The following FANK1 variants were observed in gnomAD, a reference collection of about 807,000 sequenced individuals.
FANK1 encodes the protein fibronectin type 3 and ankyrin repeat domains protein 1.
In FANK1, 44 loss-of-function variants were observed where a neutral mutation model predicts 45.3. That is an observed-to-expected ratio of 0.97 (90% confidence interval 0.76 to 1.25). The LOEUF (loss-of-function observed/expected upper bound fraction) is 1.25, where lower values mean the gene tolerates loss of function less well. Among genes scored for constraint, FANK1 ranks in the 50% most tolerant of loss-of-function variants. The pLI, the probability that FANK1 is intolerant of heterozygous loss-of-function variation, is 0.00. For missense variants in FANK1, 391 were observed against 424.4 expected, an observed-to-expected ratio of 0.92 and a Z score of 0.69; for synonymous variants, 149 against 152.5, an observed-to-expected ratio of 0.98 and a Z score of 0.17.
intron 6 of FANK1, among the ~76,000 whole-genome samples, chr10:125,999,336 A>T (rs893562372): frequency 6.6e-6 from 1 of 151,798 alleles, no homozygotes; most frequent in Non-Finnish European, 1.5e-5. Flanking sequence ...AGTAGCTGGA[A>T]CTATAGGCGC....
chr10:125,899,356 G>A (rs892836080), intron 1 of FANK1, among the ~76,000 whole-genome samples: 6 of 151,762 alleles, frequency 4.0e-5, no homozygotes, highest in African/African-American at 1.5e-4. Context: ...CACCGTGCCC[G>A]GCCCCTAATT....
At chr10:125,940,586 CAG>C (rs538843950) in intron 1 of FANK1, among the ~76,000 whole-genome samples, 59 of 152,094 alleles carry the variant, frequency 3.9e-4, no homozygotes, top group Non-Finnish European at 7.1e-4. Flanking sequence ...ACGCAGGAGA[CAG>C]AGGCCTTCCT....
intron 7 of FANK1, 26 bp from the exon 8 acceptor site, chr10:126,008,381 A>G (rs766781737): frequency 6.4e-5 from 100 of 1,567,702 alleles, no homozygotes; most frequent in Non-Finnish European, 8.4e-5. Flanking sequence ...ATTGGGCTCA[A>G]CACAGCTGTT....
rs1433449445 is a variant in FANK1, at chr10:125,995,514, C to T, written c.398+16C>T. 3 of 1,612,884 alleles carry T rather than the reference C, an allele frequency of 1.9e-6. No individual in the cohort carries two copies. Among genetic ancestry groups the T allele is most frequent in the Non-Finnish European group, 2.5e-6 (3 of 1,178,954 alleles). On this transcript the variant is annotated intron_variant, in intron 4 of 10. Transcript: ENST00000368693. ...TTCAAGGAGGGTGAGAGAACTCTGT[C>T]AGTTGTTTTTTTTCCCCCATGCCTA...
At chr10:126,007,526 C>A (rs1471146553) in intron 7 of FANK1, among the ~76,000 whole-genome samples, 1 of 152,150 alleles carries the variant, frequency 6.6e-6, no homozygotes, top group Non-Finnish European at 1.5e-5. Flanking sequence ...TGTAGAAATA[C>A]CCTGAAGTGC....
intron 1 of FANK1, among the ~76,000 whole-genome samples, chr10:125,979,070 G>A (rs1364893533): frequency 1.3e-5 from 2 of 152,160 alleles, no homozygotes; most frequent in African/African-American, 4.8e-5. Context: ...CCTGAGGTTT[G>A]CAAAGATCTG....
rs111768519 is a variant in FANK1 at position 125,908,215 on chromosome 10, C to T, written c.13+11560C>T. Among the ~76,000 whole-genome samples, 6 of 152,124 alleles carry T rather than the reference C, an allele frequency of 3.9e-5. No homozygotes were observed. The East Asian group carries it at 7.8e-4, about 20-fold the overall frequency. Reference sequence around the variant, plus strand: ...TTCTGCATGTTGGTCAGGCTGGTCTCGAACTCCTCACCTCAGGTGATCTGT... The same window carrying T: ...TTCTGCATGTTGGTCAGGCTGGTCTTGAACTCCTCACCTCAGGTGATCTGT... On this transcript the variant is annotated intron_variant, in intron 1 of 10. Coordinates refer to ENST00000368693, the MANE Select transcript of FANK1 (RefSeq NM_145235.5).
rs1316613053 is a variant in FANK1, at chr10:125,994,537, C to G, written c.317-880C>G. ...GACGATGGTAGCTGCTGTACTGTCA[C>G]CCCCAACAACAGGTTGTGTGCTGGG... On this transcript the variant is annotated intron_variant, in intron 3 of 10. Transcript: ENST00000368693. 8.1e-6 allele frequency: 8 copies of G among 985,172 alleles called. No individual in the cohort carries two copies. In the East Asian group the frequency reaches 5.7e-4, roughly 70 times the overall value. The allele number at this position is 985,172 out of a possible 1,614,324, so 61.0% of individuals were successfully genotyped here.
Position 126,008,437 on chromosome 10 carries a change from A to T in FANK1, c.736A>T (p.Thr246Ser), listed in dbSNP as rs771334626. 5.1e-5 allele frequency: 83 copies of T among 1,612,072 alleles called. No homozygotes were observed. The highest frequency in any genetic ancestry group is 7.0e-5 in the Non-Finnish European group (82 of 1,179,124). ...CGTCGTGGACACTGGTTCAGGATGGACCCCACTCATGAGAGTCTCTGCGGT... is the reference window on the plus strand; with the variant it reads ...CGTCGTGGACACTGGTTCAGGATGGTCCCCACTCATGAGAGTCTCTGCGGT... Reference protein sequence around the residue: ...VDVVDTGSGWTPLMRVSAVSG... With the variant: ...VDVVDTGSGWSPLMRVSAVSG... Residue 246 changes from threonine to serine, a missense_variant, in exon 8 of 11, where the codon ACC becomes TCC. Transcript: ENST00000368693.
In FANK1 at chr10:125,955,879, CTA is replaced by C. The variant is rs201440741; in HGVS notation, c.14-24280_14-24279del. On this transcript the variant is annotated intron_variant, in intron 1 of 10. Transcript: ENST00000368693. ...AAGTTCCTTCCAAGTACAAAAGAAT[CTA>C]TGTTCTAAGGCAGTGGAAGGAAGCA... 1.4e-3 allele frequency among the ~76,000 whole-genome samples: 216 copies of C among 152,214 alleles called. 1 individual carries two copies. The highest frequency in any genetic ancestry group is 0.011 in the Admixed American group (170 of 15,282).
At chr10:125,914,388 C>T (rs572454264) in intron 1 of FANK1, among the ~76,000 whole-genome samples, 10 of 151,770 alleles carry the variant, frequency 6.6e-5, no homozygotes, top group Non-Finnish European at 1.0e-4. Context: ...CCTGCCTGCT[C>T]ACGCTGTCAC....
At chr10:125,948,818 AAG>A (rs1421740350) in intron 1 of FANK1, among the ~76,000 whole-genome samples, 1 of 149,868 alleles carries the variant, frequency 6.7e-6, no homozygotes, top group Non-Finnish European at 1.5e-5. Flanking sequence ...ACAACCAAAA[AAG>A]AGAATTTTAG....
At chr10:125,981,722 C>T (rs1032987817) in intron 2 of FANK1, among the ~76,000 whole-genome samples, 1 of 152,038 alleles carries the variant, frequency 6.6e-6, no homozygotes, top group Non-Finnish European at 1.5e-5. Flanking sequence ...TACCTTTTCC[C>T]ATTTCTCCCC....
intron 1 of FANK1, among the ~76,000 whole-genome samples, chr10:125,954,566 C>T (rs1949453989): frequency 6.9e-6 from 1 of 145,390 alleles, no homozygotes; most frequent in Non-Finnish European, 1.5e-5. Flanking sequence ...GAAAAAATTT[C>T]AATAGTTCAT....
At chr10:125,940,667 G>T (rs1347388371) in intron 1 of FANK1, among the ~76,000 whole-genome samples, 1 of 151,984 alleles carries the variant, frequency 6.6e-6, no homozygotes, top group Admixed American at 6.6e-5. Flanking sequence ...TACAGGTGTC[G>T]GGCTGGGGGA....
intron 3 of FANK1, among the ~76,000 whole-genome samples, chr10:125,992,624 C>T (rs186561940): frequency 6.6e-6 from 1 of 152,188 alleles, no homozygotes; most frequent in East Asian, 1.9e-4. Flanking sequence ...TACAAACGGT[C>T]CTTAAGCTTA....
intron 1 of FANK1, among the ~76,000 whole-genome samples, chr10:125,951,917 A>G (rs1442417446): frequency 1.3e-5 from 2 of 152,228 alleles, no homozygotes; most frequent in African/African-American, 2.4e-5. Flanking sequence ...TAACCAAATT[A>G]TTCTTGTACT....
intron 6 of FANK1, chr10:126,004,548 C>T (rs1953033280): frequency 8.7e-6 from 2 of 229,194 alleles, no homozygotes; most frequent in South Asian, 1.4e-4. Flanking sequence ...CCGCAGGCAA[C>T]CGCTCACCTG....
At chr10:125,997,214 A>G (rs1952400265) in intron 5 of FANK1, among the ~76,000 whole-genome samples, 1 of 152,208 alleles carries the variant, frequency 6.6e-6, no homozygotes, top group African/African-American at 2.4e-5. Context: ...ACTCGTGTCA[A>G]AGGTAAAAGC....
Sources: allele counts gnomAD v4.1 joint callset (sites outside exome capture counted in the v4.1 genomes callset), GRCh38; gene constraint gnomAD v4.1.1; transcripts MANE v1.5; gene names NCBI Gene and HGNC (gene_info 2026-07-23, HGNC 2026-07-21).